Variants in TMEM98 observed in about 807,000 individuals in gnomAD.
TMEM98 encodes the protein transmembrane protein 98.
TMEM98 carries 18 observed loss-of-function variants against 25.0 expected under a neutral mutation model. That is an observed-to-expected ratio of 0.72 (90% CI 0.50 to 1.07). TMEM98 has a LOEUF of 1.07. Ranked by LOEUF, TMEM98 falls within the 50% of genes least tolerant of loss-of-function variation. TMEM98 has a pLI of 0.00. For synonymous variants in TMEM98, 103 were observed against 112.4 expected, an observed-to-expected ratio of 0.92 and a Z score of 0.53; for missense variants, 241 against 289.0, an observed-to-expected ratio of 0.83 and a Z score of 1.20.
chr17:32,937,923 A>G (rs988611713), intron 6 of TMEM98, among the ~76,000 whole-genome samples: 5 of 152,188 alleles, frequency 3.3e-5, no homozygotes, highest in African/African-American at 4.8e-5. Context: ...ATTCTGCACT[A>G]TGGTATTCAC....
rs1286284333 is a variant in TMEM98 at position 32,940,880 on chromosome 17, C to T, written c.568C>T (p.Leu190=). The part of the protein sequence containing the change: ...TGGLDWIDQS[L]SAAEEHLEVL... ...AGGCCTGGACTGGATTGACCAGTCTCTGTCGGCTGCTGAGGAGCATTTGGA... is the reference window on the plus strand; with the variant it reads ...AGGCCTGGACTGGATTGACCAGTCTTTGTCGGCTGCTGAGGAGCATTTGGA... The change falls in exon 8 of 8, where the codon CTG becomes TTG. Residue 190 remains leucine, a synonymous_variant. Transcript: ENST00000579849. 1 of 1,614,086 alleles carries T rather than the reference C, an allele frequency of 6.2e-7. No homozygotes were observed. Among genetic ancestry groups the T allele is most frequent in the Non-Finnish European group, 8.5e-7 (1 of 1,180,038 alleles).
chr17:32,932,600 A>G (rs773156897), intron 3 of TMEM98, among the ~76,000 whole-genome samples: 5 of 152,296 alleles, frequency 3.3e-5, no homozygotes, highest in Middle Eastern at 6.8e-3. Flanking sequence ...TGACCCAGGA[A>G]AGCTCTTCTA....
Position 32,939,528 on chromosome 17 carries a change from G to A in TMEM98, c.465G>A (p.Leu155=), listed in dbSNP as rs1294816825. 6.2e-7 allele frequency: 1 copy of A among 1,614,152 alleles called. No individual in the cohort carries two copies. Among genetic ancestry groups the A allele is most frequent in the South Asian group, 1.1e-5 (1 of 91,084 alleles). ...SMYPPLDPKL[L]DARTTALLLS... Reference sequence around the variant, plus strand: ...ACCCTCCGTTGGACCCCAAACTCCTGGACGCACGGTGAGACCAGGGGTGGG... The same window carrying A: ...ACCCTCCGTTGGACCCCAAACTCCTAGACGCACGGTGAGACCAGGGGTGGG... The change falls in exon 7 of 8, where the codon CTG becomes CTA. Residue 155 remains leucine, a synonymous_variant. Transcript: ENST00000579849.
intron 4 of TMEM98, among the ~76,000 whole-genome samples, 170 bp downstream of exon 4, chr17:32,933,475 G>T (rs1214898835): frequency 6.6e-6 from 1 of 152,168 alleles, no homozygotes; most frequent in African/African-American, 2.4e-5. Context: ...GAAAGTGTTT[G>T]TCCTTTCCTT....
chr17:32,941,031 C>T lies in TMEM98; in HGVS notation c.*38C>T, dbSNP rs3025288. ...AGCAGCTAGCCATGAAGGCCCCTGC[C>T]GCCATCCCTGGATGGCTCAGCTTAG... is the stretch of plus-strand genomic sequence containing the variant. On this transcript the variant is annotated 3_prime_UTR_variant, in exon 8 of 8. Transcript: ENST00000579849. The T allele has an allele frequency of 2.5e-5, 38 of 1,539,534 alleles. No homozygotes were observed. Among genetic ancestry groups the T allele is most frequent in the East Asian group, 2.4e-4 (10 of 42,346 alleles).
Position 32,936,351 on chromosome 17 carries a change from A to G in TMEM98, c.317A>G (p.Glu106Gly). ...AILKICHTLT[E>G]KLVAMTMGSG... The stretch of plus-strand genomic sequence containing the variant: ...CATTAGATTTGTCACACTCTGACAG[A>G]GAAGCTTGTTGCCATGACAATGGGC... The change falls in exon 6 of 8, where the codon GAG (glutamate) becomes GGG (glycine). Residue 106 changes from glutamate (E) to glycine (G), a missense_variant. By Grantham distance (98) the Glu-to-Gly change is moderately conservative. Coordinates refer to ENST00000579849, the MANE Select transcript of TMEM98 (RefSeq NM_015544.3). 1 of 1,614,172 alleles carries G rather than the reference A, an allele frequency of 6.2e-7. No homozygotes were observed. The highest frequency in any genetic ancestry group is 1.6e-4 in the Middle Eastern group (1 of 6,062).
Position 32,941,068 on chromosome 17 carries a change from T to G in TMEM98, c.*75T>G, listed in dbSNP as rs893664082. ...ATGGCTCAGCTTAGCCTTCTACTTTTTCCTATAGAGTTAGTTGTTCTCCAC... is the reference window on the plus strand; with the variant it reads ...ATGGCTCAGCTTAGCCTTCTACTTTGTCCTATAGAGTTAGTTGTTCTCCAC... On this transcript the variant is annotated 3_prime_UTR_variant, in exon 8 of 8. Coordinates refer to ENST00000579849, the MANE Select transcript of TMEM98 (RefSeq NM_015544.3). 1 of 1,303,540 alleles carries G rather than the reference T, an allele frequency of 7.7e-7. No homozygotes were observed. Among genetic ancestry groups the G allele is most frequent in the Non-Finnish European group, 1.0e-6 (1 of 954,690 alleles). The allele number at this position is 1,303,540 out of a possible 1,614,324, so 80.7% of individuals were successfully genotyped here. A position where few individuals can be genotyped will look rare whatever the true frequency, so the allele number is the denominator to read the frequency against.
At chr17:32,932,094 A>ATTTTTTTT (rs774760952) in intron 3 of TMEM98, among the ~76,000 whole-genome samples, 3 of 118,988 alleles carry the variant, frequency 2.5e-5, no homozygotes, top group African/African-American at 3.5e-5. Context: ...TGCACAGCAG[A>ATTTTTTTT]TTTTTTTTTT....
chr17:32,940,845 A>G lies in TMEM98; in HGVS notation c.533A>G (p.His178Arg). ...HLVLVTRNAC[H>R]LTGGLDWIDQ... ...GTGCTGGTGACAAGGAATGCCTGCC[A>G]TCTGACGGGAGGCCTGGACTGGATT... The change falls in exon 8 of 8, where the codon CAT (histidine) becomes CGT (arginine). Residue 178 changes from histidine (H) to arginine (R), a missense_variant. Coordinates refer to ENST00000579849, the MANE Select transcript of TMEM98 (RefSeq NM_015544.3). 1.9e-6 allele frequency: 3 copies of G among 1,614,182 alleles called. No homozygotes were observed. The highest frequency in any genetic ancestry group is 2.5e-6 in the Non-Finnish European group (3 of 1,180,028).
rs149053784 is a variant in TMEM98, at chr17:32,933,294, C to T, written c.252C>T (p.Ile84=). ...CCATTCTGGAGAATGAAGACTGGATCGAAGATGCCTCGTAAGGCCATGGGA... is the reference window on the plus strand; with the variant it reads ...CCATTCTGGAGAATGAAGACTGGATTGAAGATGCCTCGTAAGGCCATGGGA... ...IEAILENEDW[I]EDASGLMSHC... Residue 84 remains isoleucine (I), a synonymous_variant, in exon 4 of 8, where the codon ATC becomes ATT. Transcript: ENST00000579849. The T allele has an allele frequency of 2.5e-5, 41 of 1,614,022 alleles. No homozygotes were observed. Among genetic ancestry groups the T allele is most frequent in the Middle Eastern group, 1.6e-4 (1 of 6,084 alleles).
chr17:32,938,255 T>C (rs958881531), intron 6 of TMEM98, among the ~76,000 whole-genome samples: 2 of 152,204 alleles, frequency 1.3e-5, no homozygotes, highest in African/African-American at 4.8e-5. Flanking sequence ...CCCATTGTTT[T>C]TCCTGCTCCA....
At chr17:32,931,961 T>C (rs576492950) in intron 3 of TMEM98, among the ~76,000 whole-genome samples, 19 of 152,140 alleles carry the variant, frequency 1.2e-4, no homozygotes, top group Non-Finnish European at 2.4e-4. Flanking sequence ...AGCATTTGGA[T>C]AAGCCAAATC....
At chr17:32,939,420 A>AATGG in intron 6 of TMEM98, 57 bp from the exon 7 acceptor site, 2 of 1,461,956 alleles carry the variant, frequency 1.4e-6, no homozygotes, top group Non-Finnish European at 1.9e-6. Context: ...AAAAAAAAAA[A>AATGG]AAGGAGAAAA....
chr17:32,940,421 A>G (rs1824713406), intron 7 of TMEM98, among the ~76,000 whole-genome samples: 1 of 152,168 alleles, frequency 6.6e-6, no homozygotes, highest in African/African-American at 2.4e-5. Flanking sequence ...GAATATGCTC[A>G]TCTGATTGAC....
chr17:32,929,406 C>A (rs921967402), intron 1 of TMEM98, among the ~76,000 whole-genome samples: 1 of 151,894 alleles, frequency 6.6e-6, no homozygotes, highest in African/African-American at 2.4e-5. Context: ...GCCTGGGGAC[C>A]GGGGGAGGGG....
In TMEM98 at chr17:32,936,413, G is replaced by A. The variant is rs753209256; in HGVS notation, c.379G>A (p.Asp127Asn). 36 of 1,614,064 alleles carry A rather than the reference G, an allele frequency of 2.2e-5. No homozygotes were observed. Among genetic ancestry groups the A allele is most frequent in the Admixed American group, 2.2e-4 (13 of 59,996 alleles). Residue 127 changes from aspartate (D) to asparagine (N), a missense_variant, in exon 6 of 8, where the codon GAC becomes AAC. Asp to Asn is a conservative substitution (Grantham distance 23). Transcript: ENST00000579849. ...AKMKTSASVSDIIVVAKRISP... is the reference protein window; with the variant it reads ...AKMKTSASVSNIIVVAKRISP... Reference sequence around the variant, plus strand: ...GATGAAGACTTCAGCCAGTGTCAGCGACATCATTGTGGTGGCCAAGCGGAT... The same window carrying A: ...GATGAAGACTTCAGCCAGTGTCAGCAACATCATTGTGGTGGCCAAGCGGAT...
intron 1 of TMEM98, among the ~76,000 whole-genome samples, chr17:32,930,439 A>G (rs2091461794): frequency 2.0e-5 from 3 of 152,220 alleles, no homozygotes; most frequent in African/African-American, 7.2e-5. Context: ...TCTTTTGTAC[A>G]CAAATAAAAG....
intron 1 of TMEM98, 43 bp from the exon 2 acceptor site, chr17:32,931,284 C>G (rs1467474148): frequency 2.3e-6 from 1 of 429,802 alleles, no homozygotes; most frequent in East Asian, 4.0e-5. Flanking sequence ...AAGGAAAAGG[C>G]AAATTTGGGG....
Position 32,944,123 on chromosome 17 carries a change from C to T in TMEM98, c.*3130C>T, listed in dbSNP as rs2091544555. 6.6e-6 allele frequency: 1 copy of T among 152,276 alleles called. No individual in the cohort carries two copies. Among genetic ancestry groups the T allele is most frequent in the South Asian group, 2.1e-4 (1 of 4,832 alleles). 9.4% of individuals were successfully genotyped at this position (152,276 alleles called of 1,614,324 possible). ...TGGCATCCAACTTCCCCTGGTGCTCCCCCTGACCTGCCTCATTCCAGGAGT... is the reference window on the plus strand; with the variant it reads ...TGGCATCCAACTTCCCCTGGTGCTCTCCCTGACCTGCCTCATTCCAGGAGT... On this transcript the variant is annotated 3_prime_UTR_variant, in exon 8 of 8. Coordinates refer to ENST00000579849, the MANE Select transcript of TMEM98 (RefSeq NM_015544.3).
Sources: allele counts gnomAD v4.1 joint callset (sites outside exome capture counted in the v4.1 genomes callset), GRCh38; gene constraint gnomAD v4.1.1; transcripts MANE v1.5; gene names NCBI Gene and HGNC (gene_info 2026-07-23, HGNC 2026-07-21).